PDXK: variants seen among roughly 807,000 people sequenced by gnomAD.
The protein encoded by PDXK is epididymis secretory sperm binding protein Li 1a.
A neutral mutation model predicts 43.2 loss-of-function variants in PDXK; 15 were observed. The ratio of observed to expected loss-of-function variants is 0.35; its 90% CI spans 0.23 to 0.53. The LOEUF (loss-of-function observed/expected upper bound fraction) is 0.53, where lower values mean the gene tolerates loss of function less well. Among genes scored for constraint, PDXK ranks in the 20% least tolerant of loss-of-function variants. The pLI is 0.92. For missense variants in PDXK, 343 were observed against 417.0 expected (o/e 0.82, Z 1.54); for synonymous variants, 172 against 165.4 (o/e 1.04, Z -0.31).
intron 8 of PDXK, among the ~76,000 whole-genome samples, chr21:43,752,890 G>A (rs1234014248): frequency 1.3e-5 from 2 of 152,176 alleles, no homozygotes; most frequent in African/African-American, 4.8e-5. Flanking sequence ...GGGTCCCTGA[G>A]TTCACTGGGA....
At position 43,754,300 on chromosome 21, in the gene PDXK, G is replaced by A. The variant is rs1486939666; in HGVS notation, c.759+581G>A. Among the ~76,000 whole-genome samples the A allele has an allele frequency of 6.6e-6, 1 of 152,164 alleles. No homozygotes were observed. Among genetic ancestry groups the A allele is most frequent in the African/African-American group, 2.4e-5 (1 of 41,418 alleles). The stretch of plus-strand genomic sequence containing the variant: ...CGGGTGGCTTTGCTTAGACAGTGGG[G>A]GGAGTGGGACTGTTGGGCAACTGAC... On this transcript the variant is annotated intron_variant, in intron 9 of 10. Transcript: ENST00000291565. This position sits in a 1 kb window ranked among gnomAD's most constrained non-coding sequence, Gnocchi z 5.5.
chr21:43,750,910 G>T (rs111339726), intron 7 of PDXK, among the ~76,000 whole-genome samples: 1 of 66,512 alleles, frequency 1.5e-5, no homozygotes, highest in Non-Finnish European at 3.3e-5. Context: ...GGGTGTGCAC[G>T]CATGTGTGCA....
Position 43,750,529 on chromosome 21 carries a change from A to G in PDXK, c.494A>G (p.Gln165Arg). 3 of 1,613,180 alleles carry G rather than the reference A, an allele frequency of 1.9e-6. No homozygotes were observed. The highest frequency in any genetic ancestry group is 2.5e-6 in the Non-Finnish European group (3 of 1,179,508). The change falls in exon 7 of 11, where the codon CAG (glutamine) becomes CGG (arginine). Residue 165 changes from glutamine to arginine, a missense_variant. By Grantham distance (43) the Gln-to-Arg change is conservative (BLOSUM62 1). Coordinates refer to ENST00000291565, the MANE Select transcript of PDXK (RefSeq NM_003681.5). ...CTGAGTGGCCGGAAGATCCACAGCC[A>G]GGAGGAAGCCTTGCGGGTAAGGAGG... Reference protein sequence around the residue: ...ELLSGRKIHSQEEALRVMDML... With the variant: ...ELLSGRKIHSREEALRVMDML...
chr21:43,745,915 C>T (rs1459942467), intron 4 of PDXK, 164 bp from the exon 5 acceptor site: 8 of 654,410 alleles, frequency 1.2e-5, no homozygotes, highest in South Asian at 3.4e-5. Flanking sequence ...GAGGATCGCC[C>T]GAGCCTGGAA....
Position 43,737,345 on chromosome 21 carries a change from C to T in PDXK, c.142+3222C>T, listed in dbSNP as rs867671056. 55 of 1,318,618 alleles carry T rather than the reference C, an allele frequency of 4.2e-5. No homozygotes were observed. Among genetic ancestry groups the T allele is most frequent in the Middle Eastern group, 2.9e-4 (1 of 3,442 alleles). The allele number at this position is 1,318,618 out of a possible 1,614,324, so 81.7% of individuals were successfully genotyped here. ...CCTTCCCCCGGCCAGGCCCCCGTTC[C>T]TTGAGGCCGTACCACAAGGTGCGTT... On this transcript the variant is annotated intron_variant, in intron 2 of 10. Coordinates refer to ENST00000291565, the MANE Select transcript of PDXK (RefSeq NM_003681.5). The surrounding 1 kb of genome is among the most constrained non-coding windows in gnomAD (Gnocchi z 4.8).
At chr21:43,721,381 A>G (rs1319921205) in intron 1 of PDXK, among the ~76,000 whole-genome samples, 1 of 152,252 alleles carries the variant, frequency 6.6e-6, no homozygotes, top group Non-Finnish European at 1.5e-5. Flanking sequence ...ACATAGCTGA[A>G]TGTGAGGAAA....
chr21:43,733,312 G>A (rs1366511252), intron 1 of PDXK, among the ~76,000 whole-genome samples: 1 of 142,316 alleles, frequency 7.0e-6, no homozygotes, highest in Non-Finnish European at 1.5e-5. Context: ...TGACAGCAGA[G>A]GTGGCACTGC....
chr21:43,742,021 T>C (rs1455132247), intron 3 of PDXK, among the ~76,000 whole-genome samples: 1 of 151,984 alleles, frequency 6.6e-6, no homozygotes, highest in Non-Finnish European at 1.5e-5. Flanking sequence ...ACACTGGGGT[T>C]CCAGTGCCCA....
intron 1 of PDXK, among the ~76,000 whole-genome samples, chr21:43,726,270 C>CTTTTT (rs1182376121): frequency 4.0e-4 from 47 of 116,816 alleles, no homozygotes; most frequent in African/African-American, 6.2e-4. Context: ...TTTTCTTTTT[C>CTTTTT]TTTTTTTTTT....
intron 1 of PDXK, among the ~76,000 whole-genome samples, chr21:43,722,413 A>G (rs565157028): frequency 2.6e-4 from 39 of 152,204 alleles, no homozygotes; most frequent in Admixed American, 1.2e-3. Context: ...CTTTTGCTCT[A>G]TTGCTTCCGT....
At chr21:43,751,734 C>T (rs1004612801) in intron 7 of PDXK, among the ~76,000 whole-genome samples, 2 of 152,176 alleles carry the variant, frequency 1.3e-5, no homozygotes, top group Non-Finnish European at 2.9e-5. Context: ...GCCCATGCTG[C>T]TCCCTCCAGC....
At chr21:43,741,558 G>T in intron 2 of PDXK, 109 bp from the exon 3 acceptor site, 2 of 1,533,986 alleles carry the variant, frequency 1.3e-6, no homozygotes, top group Non-Finnish European at 1.8e-6. Flanking sequence ...TCCATGGGGA[G>T]GAGCCGTCCA....
intron 2 of PDXK, 155 bp from the exon 3 acceptor site, chr21:43,741,512 C>T: frequency 6.9e-7 from 1 of 1,450,346 alleles, no homozygotes; most frequent in Non-Finnish European, 9.1e-7. Context: ...ACCTGCCAAG[C>T]ACTGCGCCTA....
chr21:43,719,794 C>G (rs928771494), intron 1 of PDXK: 80 of 985,366 alleles, frequency 8.1e-5, no homozygotes, highest in Admixed American at 3.1e-4. Flanking sequence ...GGGACCTTGC[C>G]CCGCTGGAAC....
chr21:43,719,896 C>G (rs1182756147), intron 1 of PDXK: 1 of 985,348 alleles, frequency 1.0e-6, no homozygotes, highest in African/African-American at 1.7e-5. Context: ...CGAGTGAGGT[C>G]ACGGTGCCCA....
intron 5 of PDXK, among the ~76,000 whole-genome samples, chr21:43,746,793 C>T (rs187931153): frequency 6.6e-6 from 1 of 152,278 alleles, no homozygotes; most frequent in Admixed American, 6.5e-5. Flanking sequence ...TCATGTGTCA[C>T]AAAGTGTCAT....
At chr21:43,749,755 G>A (rs1378335837) in intron 6 of PDXK, among the ~76,000 whole-genome samples, 1 of 152,212 alleles carries the variant, frequency 6.6e-6, no homozygotes, top group Non-Finnish European at 1.5e-5. Flanking sequence ...GGCTTGTCGG[G>A]GCCACCACAG....
At chr21:43,739,311 C>T (rs1208563989) in intron 2 of PDXK, among the ~76,000 whole-genome samples, 74 of 152,200 alleles carry the variant, frequency 4.9e-4, no homozygotes, top group South Asian at 2.1e-4. Context: ...GCGTGAGCCA[C>T]CGCACCCGGC....
In PDXK at chr21:43,743,709, A is replaced by G. The variant is rs2147276430; in HGVS notation, c.248-15A>G. 1 of 1,584,426 alleles carries G rather than the reference A, an allele frequency of 6.3e-7. No individual in the cohort carries two copies. The highest frequency in any genetic ancestry group is 2.2e-5 in the East Asian group (1 of 44,710). On this transcript the variant is annotated splice_polypyrimidine_tract_variant and intron_variant, in intron 3 of 10. Transcript: ENST00000291565. ...CTCCTGTTTTCTGAGGGTGACCTGG[A>G]TTCTCCCCCTAAAGGTTATACGAGG...
Sources: gnomAD v4.1 joint callset for allele counts (sites outside exome capture counted in the v4.1 genomes callset) on GRCh38, gnomAD v4.1.1 for gene constraint, Gnocchi (gnomAD v3.1) non-coding constraint, MANE v1.5 for transcripts, NCBI Gene and HGNC (gene_info 2026-07-23, HGNC 2026-07-21) for gene names.